MAPRE2: variants seen among roughly 807,000 people sequenced by gnomAD.
MAPRE2 encodes the protein microtubule associated protein RP/EB family member 2.
A neutral mutation model predicts 43.2 loss-of-function variants in MAPRE2; 13 were observed. The ratio of observed to expected loss-of-function variants is 0.30; its 90% CI spans 0.20 to 0.48. The LOEUF is 0.48. Ranked by LOEUF, MAPRE2 falls within the 20% of genes least tolerant of loss-of-function variation. The pLI, the probability that MAPRE2 is intolerant of heterozygous loss-of-function variation, is 0.99. For synonymous variants in MAPRE2, 135 were observed against 148.8 expected, an observed-to-expected ratio of 0.91 and a Z score of 0.68; for missense variants, 161 against 400.2, an observed-to-expected ratio of 0.40 and a Z score of 5.10.
intron 1 of MAPRE2, among the ~76,000 whole-genome samples, chr18:34,991,821 A>G (rs925361575): frequency 2.0e-5 from 3 of 152,166 alleles, no homozygotes; most frequent in African/African-American, 7.2e-5. Flanking sequence ...GCCATGCGGG[A>G]TAGGTAAAAC....
rs1456450307 is a variant in MAPRE2 at position 35,044,894 on chromosome 18, C to T, written c.122+3233C>T. Reference sequence around the variant, plus strand: ...TGGTTCCTGACCCACATCTCTTAACCCAGGTATCTGATAGTGTAAACAAAG... The same window carrying T: ...TGGTTCCTGACCCACATCTCTTAACTCAGGTATCTGATAGTGTAAACAAAG... On this transcript the variant is annotated intron_variant, in intron 1 of 6. Transcript: ENST00000300249. 2.6e-5 allele frequency among the ~76,000 whole-genome samples: 4 copies of T among 152,150 alleles called. No individual in the cohort carries two copies. The East Asian group carries it at 7.7e-4, about 29-fold the overall frequency.
At chr18:35,076,266 A>T (rs1384401926) in intron 2 of MAPRE2, among the ~76,000 whole-genome samples, 2 of 152,240 alleles carry the variant, frequency 1.3e-5, no homozygotes, top group African/African-American at 4.8e-5. Context: ...CATTGCCCTC[A>T]AATAGCTCAG....
At chr18:35,101,044 TAAATA>T (rs1411057568) in intron 3 of MAPRE2, among the ~76,000 whole-genome samples, 3 of 152,058 alleles carry the variant, frequency 2.0e-5, no homozygotes, top group Admixed American at 6.5e-5. Flanking sequence ...CGTCTCAAAA[TAAATA>T]AAATAAAAAT....
In MAPRE2 at chr18:35,041,445, G is replaced by T. The variant is rs976098468; in HGVS notation, c.-95G>T. On this transcript the variant is annotated 5_prime_UTR_variant, in exon 1 of 7. Transcript: ENST00000300249. ...CAGTGAGCGAGCAGGCGGCAGGCACGGTCCGTGCGGAGCAGGCGAGCGAGC... is the reference window on the plus strand; with the variant it reads ...CAGTGAGCGAGCAGGCGGCAGGCACTGTCCGTGCGGAGCAGGCGAGCGAGC... 29 of 1,597,544 alleles carry T rather than the reference G, an allele frequency of 1.8e-5. No homozygotes were observed. Among genetic ancestry groups the T allele is most frequent in the Middle Eastern group, 1.7e-4 (1 of 5,956 alleles).
At chr18:35,124,982 G>A (rs1041890560) in intron 4 of MAPRE2, among the ~76,000 whole-genome samples, 1 of 152,120 alleles carries the variant, frequency 6.6e-6, no homozygotes, top group Non-Finnish European at 1.5e-5. Context: ...TCAGCTCTCT[G>A]GAACCCTGGG....
upstream of MAPRE2, among the ~76,000 whole-genome samples, chr18:35,039,844 C>T (rs753442247): frequency 3.9e-5 from 6 of 152,132 alleles, no homozygotes; most frequent in East Asian, 1.2e-3. Flanking sequence ...TATGCTGTAT[C>T]TTTTACACCC....
In MAPRE2 at chr18:34,985,291, T is replaced by TATATAATATAAAATATATA. The variant is rs2097019278; in HGVS notation, c.-70+8216_-70+8217insAATATAAAATATATAATAT. Among the ~76,000 whole-genome samples, 18 of 13,132 alleles carry TATATAATATAAAATATATA rather than the reference T, an allele frequency of 1.4e-3. 2 individuals carry two copies. The highest frequency in any genetic ancestry group is 2.1e-3 in the Non-Finnish European group (15 of 7,034). The allele number at this position is 13,132 out of a possible 152,430, so 8.6% of individuals were successfully genotyped here. ...TTATATAATATAATATATTATATAT[T>TATATAATATAAAATATATA]ATATTATATATTGTATATATTATAT... is the stretch of plus-strand genomic sequence containing the variant. On this transcript the variant is annotated intron_variant, in intron 1 of 7. Transcript: ENST00000413393.
intron 1 of MAPRE2, among the ~76,000 whole-genome samples, chr18:35,065,803 C>T (rs1487190470): frequency 6.6e-6 from 1 of 152,210 alleles, no homozygotes; most frequent in Non-Finnish European, 1.5e-5. Flanking sequence ...ATCCACCCGC[C>T]TCGGCCTCCC....
At chr18:35,091,321 A>G (rs536351762) in intron 2 of MAPRE2, among the ~76,000 whole-genome samples, 9 of 152,358 alleles carry the variant, frequency 5.9e-5, no homozygotes, top group African/African-American at 2.2e-4. Context: ...GGGTATGTGT[A>G]TAAGGTGTAT....
rs1019369505 is a variant in MAPRE2, at chr18:34,978,613, A to T, written c.-70+1534A>T. The T allele has an allele frequency of 3.0e-6, 4 of 1,334,742 alleles. No homozygotes were observed. The African/African-American group carries it at 5.8e-5, about 19-fold the overall frequency. The allele number at this position is 1,334,742 out of a possible 1,614,324, so 82.7% of individuals were successfully genotyped here. ...AATTTGGCCAAATTTTTATCAAGCA[A>T]AAAGGGGTATGGCTCTTGGTTAGCC... On this transcript the variant is annotated intron_variant, in intron 1 of 7. Coordinates refer to the MAPRE2 transcript ENST00000413393.
chr18:35,077,486 G>A (rs1005004313), intron 2 of MAPRE2, among the ~76,000 whole-genome samples: 28 of 152,204 alleles, frequency 1.8e-4, no homozygotes, highest in African/African-American at 6.8e-4. Context: ...ATGAATAGGT[G>A]GGTGGTTGTG....
chr18:35,040,867 T>C (rs1045271720), upstream of MAPRE2, among the ~76,000 whole-genome samples: 1 of 152,248 alleles, frequency 6.6e-6, no homozygotes, highest in Non-Finnish European at 1.5e-5. Flanking sequence ...AGCTTCCTTG[T>C]AGGTTTTTAG....
At chr18:35,024,575 C>T (rs925569831) in intron 2 of MAPRE2, among the ~76,000 whole-genome samples, 20 of 152,140 alleles carry the variant, frequency 1.3e-4, no homozygotes, top group African/African-American at 3.4e-4. Flanking sequence ...AAATTTACTA[C>T]GAGTATCTGC....
intron 2 of MAPRE2, among the ~76,000 whole-genome samples, chr18:35,088,986 A>G (rs779965043): frequency 5.9e-5 from 9 of 152,218 alleles, no homozygotes; most frequent in Non-Finnish European, 7.4e-5. Context: ...GAGATAGTAC[A>G]TAGCTCAAGG....
chr18:35,132,776 G>A (rs1910216730), intron 6 of MAPRE2, among the ~76,000 whole-genome samples: 1 of 152,242 alleles, frequency 6.6e-6, no homozygotes, highest in Admixed American at 6.5e-5. Flanking sequence ...GACCCAGGAT[G>A]TGGCTGTGTC....
At chr18:34,978,481 C>T (rs772992347) in intron 1 of MAPRE2, 1 of 1,549,768 alleles carries the variant, frequency 6.5e-7, no homozygotes. Context: ...ATCTGAGGAC[C>T]CGCGATTTAC....
At chr18:35,014,588 T>C (rs1017511391) in intron 2 of MAPRE2, among the ~76,000 whole-genome samples, 1 of 152,000 alleles carries the variant, frequency 6.6e-6, no homozygotes, top group African/African-American at 2.4e-5. Flanking sequence ...GGGTTAAGAG[T>C]TGCAAATTGT....
In MAPRE2 at chr18:35,041,491, C is replaced by G. The variant is rs762495025; in HGVS notation, c.-49C>G. 1.1e-5 allele frequency: 17 copies of G among 1,613,480 alleles called. 1 individual carries two copies. The South Asian group carries it at 1.9e-4, about 18-fold the overall frequency. On this transcript the variant is annotated 5_prime_UTR_variant, in exon 1 of 7. Coordinates refer to ENST00000300249, the MANE Select transcript of MAPRE2 (RefSeq NM_014268.4). The stretch of plus-strand genomic sequence containing the variant: ...CGAGCGGGAAGACGCAGCCACCTTC[C>G]TCACCAGCCAGCCCACAGCGGTTTG...
chr18:35,010,233 AT>A lies in MAPRE2; in HGVS notation c.-8+4681del, dbSNP rs571195123. Reference sequence around the variant, plus strand: ...AAGACCTCATCTCTCTACAAAAAAAATAAATAAATAAAAATTAAAAACAATT... The same window carrying A: ...AAGACCTCATCTCTCTACAAAAAAAAAAATAAATAAAAATTAAAAACAATT... On this transcript the variant is annotated intron_variant, in intron 2 of 7. Coordinates refer to the MAPRE2 transcript ENST00000413393. 2.7e-3 allele frequency among the ~76,000 whole-genome samples: 411 copies of A among 152,312 alleles called. 3 individuals carry two copies. Among genetic ancestry groups the A allele is most frequent in the African/African-American group, 9.6e-3 (399 of 41,568 alleles).
Sources: allele counts gnomAD v4.1 joint callset (sites outside exome capture counted in the v4.1 genomes callset), GRCh38; gene constraint gnomAD v4.1.1; transcripts MANE v1.5; gene names NCBI Gene and HGNC (gene_info 2026-07-23, HGNC 2026-07-21).